PTPRT: variants seen among roughly 807,000 people sequenced by gnomAD.
PTPRT encodes the protein receptor-type tyrosine-protein phosphatase T.
Under a neutral mutation model 176.8 loss-of-function variants are expected in PTPRT, and 56 were observed. The ratio of observed to expected loss-of-function variants is 0.32; its 90% CI spans 0.26 to 0.40. PTPRT has a LOEUF of 0.40. Ranked by LOEUF, PTPRT falls within the 10% of genes least tolerant of loss-of-function variation. The pLI is 1.00. For missense variants in PTPRT, 1,540 were observed against 1,908.2 expected (o/e 0.81, Z 3.60); for synonymous variants, 783 against 739.0 (o/e 1.06, Z -0.96).
intron 9 of PTPRT, among the ~76,000 whole-genome samples, chr20:42,398,682 G>A (rs879238418): frequency 6.6e-6 from 1 of 152,022 alleles, no homozygotes; most frequent in African/African-American, 2.4e-5. Flanking sequence ...CCTCCTCACA[G>A]AGACTCTATG....
intron 9 of PTPRT, among the ~76,000 whole-genome samples, chr20:42,422,908 G>A (rs759033096): frequency 7.2e-5 from 11 of 152,170 alleles, no homozygotes; most frequent in South Asian, 4.1e-4. Flanking sequence ...CACAGATGGC[G>A]GTGGAGGCCA....
Position 42,767,326 on chromosome 20 carries a change from A to G in PTPRT, c.684+4109T>C, listed in dbSNP as rs577179733. On this transcript the variant is annotated intron_variant, in intron 5 of 30. Transcript: ENST00000373187. ...TCCCCAGCGTGAATGGGCACCATCC[A>G]ATCTTTGGAAGAATAGAACAGAAAA... is the stretch of plus-strand genomic sequence containing the variant. Among the ~76,000 whole-genome samples, 478 of 152,286 alleles carry G rather than the reference A, an allele frequency of 3.1e-3. 2 individuals are homozygous for G. Among genetic ancestry groups the G allele is most frequent in the Non-Finnish European group, 5.1e-3 (350 of 68,020 alleles).
intron 15 of PTPRT, among the ~76,000 whole-genome samples, chr20:42,201,256 C>A (rs13433136): frequency 1.3e-5 from 2 of 152,088 alleles, no homozygotes; most frequent in Non-Finnish European, 2.9e-5. Context: ...GCCGAGATCA[C>A]GCCTCTGCAC....
At chr20:42,521,061 T>A (rs2072166204) in intron 7 of PTPRT, among the ~76,000 whole-genome samples, 1 of 151,978 alleles carries the variant, frequency 6.6e-6, no homozygotes, top group African/African-American at 2.4e-5. Context: ...CCTACCTATA[T>A]ACATACATAC....
chr20:42,181,749 G>GT (rs1216801365), intron 16 of PTPRT, among the ~76,000 whole-genome samples: 9 of 152,174 alleles, frequency 5.9e-5, no homozygotes, highest in African/African-American at 1.2e-4. Context: ...CAGGGATATA[G>GT]TAGAAGCCCG....
intron 17 of PTPRT, among the ~76,000 whole-genome samples, chr20:42,160,990 G>A (rs1319864348): frequency 1.3e-5 from 2 of 152,182 alleles, no homozygotes; most frequent in African/African-American, 4.8e-5. Flanking sequence ...TGGGATGGGA[G>A]CTTGAGCCAT....
chr20:42,760,813 T>TG (rs1310116276), intron 5 of PTPRT, among the ~76,000 whole-genome samples: 1 of 152,202 alleles, frequency 6.6e-6, no homozygotes, highest in East Asian at 1.9e-4. Flanking sequence ...TGTTGTTTAC[T>TG]GGGGTTGATA....
chr20:42,197,709 A>T (rs1395103509), intron 16 of PTPRT, among the ~76,000 whole-genome samples: 1 of 151,786 alleles, frequency 6.6e-6, no homozygotes, highest in Non-Finnish European at 1.5e-5. Flanking sequence ...CTTCTAAATG[A>T]TTCAGAAAAT....
chr20:42,118,330 T>A, intron 21 of PTPRT, 73 bp downstream of exon 21: 1 of 1,355,552 alleles, frequency 7.4e-7, no homozygotes, highest in Non-Finnish European at 1.0e-6. Flanking sequence ...CTTAGCACGA[T>A]GCATGGAACA....
chr20:43,074,185 A>C (rs1351022909), intron 1 of PTPRT, among the ~76,000 whole-genome samples: 3 of 152,180 alleles, frequency 2.0e-5, no homozygotes, highest in Non-Finnish European at 4.4e-5. Flanking sequence ...AGGTTGAAAA[A>C]CTGTGCAGTA....
chr20:42,715,129 A>G (rs1316999982), intron 6 of PTPRT, among the ~76,000 whole-genome samples: 2 of 152,194 alleles, frequency 1.3e-5, no homozygotes, highest in Non-Finnish European at 2.9e-5. Context: ...ATCCCTCCTA[A>G]CAAAGTATAA....
At chr20:43,137,874 G>T (rs936981344) in intron 1 of PTPRT, among the ~76,000 whole-genome samples, 5 of 152,202 alleles carry the variant, frequency 3.3e-5, no homozygotes, top group African/African-American at 1.2e-4. Context: ...AAGCTGCCAT[G>T]AAAGAGCCTC....
At chr20:42,332,546 C>T (rs2057981011) in intron 11 of PTPRT, among the ~76,000 whole-genome samples, 1 of 152,080 alleles carries the variant, frequency 6.6e-6, no homozygotes, top group East Asian at 1.9e-4. Flanking sequence ...GAACTGAATG[C>T]TAAACTAGCC....
rs150027088 is a variant in PTPRT at position 42,693,101 on chromosome 20, A to G, written c.860-14942T>C. ...AAATTGAATAATTACTTACAAAAGC[A>G]CCAGCAAAGTATTAAAATATCTGGG... On this transcript the variant is annotated intron_variant, in intron 6 of 30. Transcript: ENST00000373187. 3.4e-3 allele frequency among the ~76,000 whole-genome samples: 515 copies of G among 152,338 alleles called. 2 individuals carry two copies. Among genetic ancestry groups the G allele is most frequent in the Middle Eastern group, 0.01 (3 of 294 alleles).
intron 1 of PTPRT, among the ~76,000 whole-genome samples, chr20:42,915,030 T>C (rs531333839): frequency 1.3e-5 from 2 of 152,168 alleles, no homozygotes; most frequent in African/African-American, 4.8e-5. Flanking sequence ...TATCCAATGA[T>C]TAATAAAATG....
intron 2 of PTPRT, among the ~76,000 whole-genome samples, chr20:42,820,532 T>C (rs1405993897): frequency 6.6e-6 from 1 of 151,296 alleles, no homozygotes; most frequent in East Asian, 1.9e-4. Context: ...AGCAAACTAA[T>C]CCAAAAGCTA....
In PTPRT at chr20:42,099,824, G is replaced by A. The variant is rs1343157900; in HGVS notation, c.3715-1272C>T. Among the ~76,000 whole-genome samples the A allele has an allele frequency of 2.6e-5, 4 of 151,972 alleles. No individual in the cohort carries two copies. In the East Asian group the frequency reaches 5.8e-4, roughly 22 times the overall value. The stretch of plus-strand genomic sequence containing the variant: ...TATCATGCGTGCATTGGCTGGGGGG[G>A]CCCTTCTTCCGAGGGCCTTTTCCTG... On this transcript the variant is annotated intron_variant, in intron 26 of 30. Coordinates refer to ENST00000373187, the MANE Select transcript of PTPRT (RefSeq NM_007050.6).
intron 17 of PTPRT, among the ~76,000 whole-genome samples, chr20:42,143,940 T>C (rs180677461): frequency 1.8e-4 from 28 of 152,352 alleles, no homozygotes; most frequent in African/African-American, 6.7e-4. Context: ...TCAATTCGCA[T>C]CCAGTATTGG....
intron 15 of PTPRT, among the ~76,000 whole-genome samples, chr20:42,219,367 T>C (rs184698026): frequency 2.7e-4 from 41 of 152,258 alleles, no homozygotes; most frequent in Non-Finnish European, 1.2e-4. Flanking sequence ...TATAACGCCA[T>C]GTGGGCTATG....
Sources: allele counts gnomAD v4.1 joint callset (sites outside exome capture counted in the v4.1 genomes callset), GRCh38; gene constraint gnomAD v4.1.1; transcripts MANE v1.5; gene names NCBI Gene and HGNC (gene_info 2026-07-23, HGNC 2026-07-21).